The following SNTA1 variants were observed in gnomAD, a reference collection of about 807,000 sequenced individuals.
SNTA1 encodes the protein alpha-1-syntrophin.
A neutral mutation model predicts 47.1 loss-of-function variants in SNTA1; 31 were observed. The ratio of observed to expected loss-of-function variants is 0.66; its 90% CI spans 0.49 to 0.89. SNTA1 has a LOEUF of 0.89. SNTA1 is among the 40% of genes least tolerant of loss of function. The probability of loss-of-function intolerance (pLI) is 0.00; values close to 1 mark genes in which losing one functional copy is unlikely to be tolerated. For missense variants in SNTA1, 575 were observed against 693.0 expected, an observed-to-expected ratio of 0.83 and a Z score of 1.91; for synonymous variants, 300 against 313.6, an observed-to-expected ratio of 0.96 and a Z score of 0.46.
At chr20:33,413,373 C>T (rs1004848351) in intron 3 of SNTA1, among the ~76,000 whole-genome samples, 2 of 152,094 alleles carry the variant, frequency 1.3e-5, no homozygotes, top group African/African-American at 4.8e-5. Flanking sequence ...AAATGATCAC[C>T]CCGCCTTCGC....
intron 4 of SNTA1, 40 bp downstream of exon 4, chr20:33,412,535 C>T (rs774214988): frequency 6.2e-6 from 10 of 1,606,094 alleles, no homozygotes; most frequent in African/African-American, 2.7e-5. Flanking sequence ...TCCAAAGGAG[C>T]GGAAGAGAGA....
At position 33,412,349 on chromosome 20, in the gene SNTA1, C is replaced by T; in HGVS notation, c.987G>A (p.Glu329=). 6.2e-7 allele frequency: 1 copy of T among 1,611,910 alleles called. No homozygotes were observed. ...CTGGCCGGCTCAGGGCCTCGCGGGT[C>T]TCGGGGAGAGACAAGTAGAGGAGCA... The part of the protein sequence containing the change: ...KELLLYLSLP[E]TREALSRPAR... The change falls in exon 5 of 8, where the codon GAG becomes GAA. Residue 329 remains glutamate, a synonymous_variant. Coordinates refer to ENST00000217381, the MANE Select transcript of SNTA1 (RefSeq NM_003098.3).
In SNTA1 at chr20:33,417,887, T is replaced by C. The variant is rs899465712; in HGVS notation, c.533A>G (p.Asn178Ser). 6.2e-7 allele frequency: 1 copy of C among 1,613,652 alleles called. No homozygotes were observed. Among genetic ancestry groups the C allele is most frequent in the East Asian group, 2.2e-5 (1 of 44,868 alleles). Residue 178 changes from asparagine to serine, a missense_variant, in exon 3 of 8, where the codon AAC (asparagine) becomes AGC (serine). Asn to Ser is a conservative substitution (Grantham distance 46, BLOSUM62 1). Transcript: ENST00000217381. ...YMKDVSPYFKNSTGGTSVGWD... is the reference protein window; with the variant it reads ...YMKDVSPYFKSSTGGTSVGWD... ...GCCGACCGAGGTCCCACCAGTAGAGTTCTTGAAATACGGTGAGACGTCCTT... is the reference window on the plus strand; with the variant it reads ...GCCGACCGAGGTCCCACCAGTAGAGCTCTTGAAATACGGTGAGACGTCCTT...
chr20:33,441,103 C>T (rs1990566501), intron 1 of SNTA1, among the ~76,000 whole-genome samples: 2 of 152,176 alleles, frequency 1.3e-5, no homozygotes, highest in Admixed American at 1.3e-4. Flanking sequence ...AAGAGTTCAC[C>T]TTAGTTGCAC....
intron 2 of SNTA1, among the ~76,000 whole-genome samples, chr20:33,424,022 T>C (rs1324015526): frequency 1.3e-5 from 2 of 150,548 alleles, no homozygotes. Context: ...CCATCAAGAA[T>C]AGTACCTGAC....
At chr20:33,423,714 G>A (rs1019645688) in intron 2 of SNTA1, among the ~76,000 whole-genome samples, 2 of 152,196 alleles carry the variant, frequency 1.3e-5, no homozygotes, top group Admixed American at 1.3e-4. Context: ...AAGTGGACTG[G>A]GGGTCACATA....
chr20:33,420,590 G>A (rs1385411560), intron 2 of SNTA1, among the ~76,000 whole-genome samples: 1 of 152,098 alleles, frequency 6.6e-6, no homozygotes, highest in African/African-American at 2.4e-5. Flanking sequence ...TTCCTCCCTG[G>A]CTTCACTTCT....
At chr20:33,429,579 G>A (rs142012583) in intron 2 of SNTA1, among the ~76,000 whole-genome samples, 48 of 151,494 alleles carry the variant, frequency 3.2e-4, no homozygotes, top group African/African-American at 9.5e-4. Flanking sequence ...GCAGTGAGCC[G>A]AGATCATGCC....
intron 2 of SNTA1, among the ~76,000 whole-genome samples, chr20:33,437,587 C>T (rs1424771125): frequency 2.0e-5 from 3 of 152,038 alleles, no homozygotes; most frequent in African/African-American, 7.2e-5. Flanking sequence ...GCTTCTGTGG[C>T]CTCTTGGACA....
intron 5 of SNTA1, among the ~76,000 whole-genome samples, chr20:33,411,584 G>T (rs913792351): frequency 2.6e-5 from 4 of 152,136 alleles, no homozygotes; most frequent in Admixed American, 6.6e-5. Context: ...CCACGTGGCA[G>T]CCACAGGGAT....
chr20:33,425,830 G>C (rs562403429), intron 2 of SNTA1, among the ~76,000 whole-genome samples: 1 of 152,136 alleles, frequency 6.6e-6, no homozygotes. Context: ...CCAGTGCTTC[G>C]CGAGGTCGAG....
At chr20:33,423,553 A>G (rs1379923089) in intron 2 of SNTA1, among the ~76,000 whole-genome samples, 2 of 152,138 alleles carry the variant, frequency 1.3e-5, no homozygotes, top group African/African-American at 4.8e-5. Flanking sequence ...AAGCTGAGGC[A>G]CCTATAAACA....
intron 1 of SNTA1, among the ~76,000 whole-genome samples, chr20:33,440,462 T>A (rs999702922): frequency 4.1e-5 from 6 of 147,044 alleles, no homozygotes; most frequent in South Asian, 2.2e-4. Flanking sequence ...TCTCAAAAAA[T>A]AAATAAATAA....
chr20:33,439,617 A>G (rs1990531098), intron 1 of SNTA1, among the ~76,000 whole-genome samples: 2 of 152,242 alleles, frequency 1.3e-5, no homozygotes, highest in African/African-American at 2.4e-5. Flanking sequence ...TGCTTCAATC[A>G]CTTTTTCTTA....
In SNTA1 at chr20:33,443,738, A is replaced by T. The variant is rs1990641845; in HGVS notation, c.-118T>A. ...GCCCGGCTGGGCCAGCCGCCACCCT[A>T]CCCCGGCCGCTGGGGGAGGAGCTCT... On this transcript the variant is annotated 5_prime_UTR_variant, in exon 1 of 8. Transcript: ENST00000217381. 1 of 515,670 alleles carries T rather than the reference A, an allele frequency of 1.9e-6. No individual in the cohort carries two copies. Among genetic ancestry groups the T allele is most frequent in the Non-Finnish European group, 2.7e-6 (1 of 376,078 alleles). The allele number at this position is 515,670 out of a possible 1,614,324, so 31.9% of individuals were successfully genotyped here. A position where few individuals can be genotyped will look rare whatever the true frequency, so the allele number is the denominator to read the frequency against.
At chr20:33,418,685 G>A (rs950226638) in intron 2 of SNTA1, among the ~76,000 whole-genome samples, 7 of 150,710 alleles carry the variant, frequency 4.6e-5, no homozygotes, top group African/African-American at 9.8e-5. Context: ...CCCAGCTACT[G>A]GGGAGGCTGA....
At chr20:33,426,174 C>A (rs1257569570) in intron 2 of SNTA1, among the ~76,000 whole-genome samples, 4 of 151,890 alleles carry the variant, frequency 2.6e-5, no homozygotes, top group Non-Finnish European at 1.5e-5. Context: ...CTGGGCCAGG[C>A]GCAGTGACTC....
chr20:33,420,486 C>T (rs1292504143), intron 2 of SNTA1, among the ~76,000 whole-genome samples: 1 of 152,180 alleles, frequency 6.6e-6, no homozygotes, highest in African/African-American at 2.4e-5. Context: ...CTACAAGTGG[C>T]CACGTCCTGC....
rs786205849 is a variant in SNTA1 at position 33,417,798 on chromosome 20, T to A, written c.622A>T (p.Asn208Tyr). Residue 208 changes from asparagine to tyrosine, a missense_variant, in exon 3 of 8, where the codon AAC (asparagine) becomes TAC (tyrosine). Coordinates refer to ENST00000217381, the MANE Select transcript of SNTA1 (RefSeq NM_003098.3). ...GACATGTGTTTGGCCTCGCTGAAGT[T>A]CCGGGGTGTGGGGCCAGGGGAGGAA... ...QPSSPGPTPR[N>Y]FSEAKHMSLK... The A allele has an allele frequency of 6.2e-7, 1 of 1,613,938 alleles. No homozygotes were observed.
Sources: allele counts gnomAD v4.1 joint callset (sites outside exome capture counted in the v4.1 genomes callset), GRCh38; gene constraint gnomAD v4.1.1; transcripts MANE v1.5; gene names NCBI Gene and HGNC (gene_info 2026-07-23, HGNC 2026-07-21).